The following CSTPP1 variants were observed in gnomAD, a reference collection of about 807,000 sequenced individuals.
CSTPP1 encodes the protein UPF0705 protein C11orf49.
chr11:47,082,865 A>G, the CSTPP1 span, among the ~76,000 whole-genome samples: 3 of 152,066 alleles, frequency 2.0e-5, no homozygotes, highest in Middle Eastern at 3.4e-3. Context: ...CTTTCACTCA[A>G]TGTTTTCTTT....
chr11:47,027,987 G>C, the CSTPP1 span, among the ~76,000 whole-genome samples: 2 of 144,508 alleles, frequency 1.4e-5, no homozygotes, highest in African/African-American at 5.2e-5. Flanking sequence ...GCAGTGGCAC[G>C]ATCTCGGCTC....
At chr11:47,001,232 A>AC in the CSTPP1 span, among the ~76,000 whole-genome samples, 2 of 152,092 alleles carry the variant, frequency 1.3e-5, no homozygotes, top group African/African-American at 2.4e-5. Flanking sequence ...TGTTCTTAGG[A>AC]CCCCCTCATG....
chr11:46,964,840 G>A, the CSTPP1 span, among the ~76,000 whole-genome samples: 1 of 152,124 alleles, frequency 6.6e-6, no homozygotes, highest in Non-Finnish European at 1.5e-5. Flanking sequence ...CTTTAATCGG[G>A]TGCTGAAGCT....
At chr11:47,058,110 G>C in the CSTPP1 span, among the ~76,000 whole-genome samples, 1 of 152,130 alleles carries the variant, frequency 6.6e-6, no homozygotes, top group Non-Finnish European at 1.5e-5. Context: ...AAGGCAAGTG[G>C]ATCACTTGAG....
chr11:47,129,596 T>G, the CSTPP1 span, among the ~76,000 whole-genome samples: 1 of 152,316 alleles, frequency 6.6e-6, no homozygotes, highest in South Asian at 2.1e-4. Context: ...CCCATCGTGA[T>G]GAACAGACCC....
the CSTPP1 span, among the ~76,000 whole-genome samples, chr11:46,991,078 G>A: frequency 6.6e-6 from 1 of 151,956 alleles, no homozygotes; most frequent in Non-Finnish European, 1.5e-5. Flanking sequence ...TTATATAATC[G>A]TTTGGATTCT....
the CSTPP1 span, among the ~76,000 whole-genome samples, chr11:47,080,465 A>G: frequency 2.0e-5 from 3 of 152,126 alleles, no homozygotes; most frequent in Admixed American, 2.0e-4. Context: ...AAAAAATAAT[A>G]ATTTCACTAT....
At chr11:47,147,917 A>G in the CSTPP1 span, among the ~76,000 whole-genome samples, 1 of 152,080 alleles carries the variant, frequency 6.6e-6, no homozygotes, top group Non-Finnish European at 1.5e-5. Context: ...TATTATTATC[A>G]TCATCATCAT....
chr11:47,031,585 T>A, the CSTPP1 span, among the ~76,000 whole-genome samples: 9 of 152,138 alleles, frequency 5.9e-5, no homozygotes, highest in Non-Finnish European at 2.9e-5. Context: ...GAGTCCCAGC[T>A]ACTTGGGAGG....
chr11:47,072,993 A>G, the CSTPP1 span, among the ~76,000 whole-genome samples: 1 of 152,202 alleles, frequency 6.6e-6, no homozygotes, highest in Admixed American at 6.5e-5. Flanking sequence ...ATATGTTTAC[A>G]TGCATACAAA....
chr11:46,937,516 G>A, the CSTPP1 span, among the ~76,000 whole-genome samples: 1 of 152,082 alleles, frequency 6.6e-6, no homozygotes, highest in Non-Finnish European at 1.5e-5. Context: ...ATGAAAAAAG[G>A]CACACACACG....
the CSTPP1 span, chr11:47,161,167 A>G: frequency 2.5e-6 from 4 of 1,614,218 alleles, no homozygotes; most frequent in Non-Finnish European, 3.4e-6. Flanking sequence ...ACGACCCAGC[A>G]ATGGATGAAG....
chr11:47,086,925 C>CAGTATAGCTATATTT, the CSTPP1 span, among the ~76,000 whole-genome samples: 3 of 152,196 alleles, frequency 2.0e-5, no homozygotes, highest in South Asian at 2.1e-4. Context: ...GAAATCTGTA[C>CAGTATAGCTATATTT]AGTATAGCTA....
chr11:47,131,597 GC>G, the CSTPP1 span, among the ~76,000 whole-genome samples: 1 of 152,204 alleles, frequency 6.6e-6, no homozygotes, highest in Admixed American at 6.5e-5. Context: ...TATCTTGAAA[GC>G]AGTAGTATTC....
chr11:46,957,770 A>G, the CSTPP1 span, among the ~76,000 whole-genome samples: 1 of 151,792 alleles, frequency 6.6e-6, no homozygotes, highest in Non-Finnish European at 1.5e-5. Flanking sequence ...TTATGCTCTA[A>G]TTTTTCTTGT....
the CSTPP1 span, among the ~76,000 whole-genome samples, chr11:47,087,591 C>T: frequency 1.3e-5 from 2 of 152,208 alleles, no homozygotes; most frequent in Non-Finnish European, 2.9e-5. Flanking sequence ...CCCAGCTACT[C>T]AGGAGGCTGA....
the CSTPP1 span, among the ~76,000 whole-genome samples, chr11:47,132,590 G>A: frequency 6.6e-6 from 1 of 152,204 alleles, no homozygotes; most frequent in Non-Finnish European, 1.5e-5. Context: ...TCTAAGTCAT[G>A]CTGGTGGCAA....
the CSTPP1 span, chr11:47,157,228 G>T: frequency 6.4e-7 from 1 of 1,550,458 alleles, no homozygotes; most frequent in South Asian, 1.2e-5. Flanking sequence ...GGTGAGGAAC[G>T]GGCATGCAGC....
the CSTPP1 span, among the ~76,000 whole-genome samples, chr11:47,135,137 A>C: frequency 3.3e-5 from 5 of 152,026 alleles, no homozygotes; most frequent in African/African-American, 9.7e-5. Context: ...ATTAAAATTT[A>C]AAATAAAAAA....
Sources: gnomAD v4.1 joint callset for allele counts (sites outside exome capture counted in the v4.1 genomes callset) on GRCh38, gnomAD v4.1.1 for gene constraint, MANE v1.5 for transcripts, NCBI Gene and HGNC (gene_info 2026-07-23, HGNC 2026-07-21) for gene names.